Variants in LASP1NB observed in about 807,000 individuals in gnomAD.
The protein encoded by LASP1NB is LASP1 neighbor, also known as LASP1 neighbor protein.
At chr17:38,926,164 G>C in the LASP1NB span, among the ~76,000 whole-genome samples, 1 of 152,100 alleles carries the variant, frequency 6.6e-6, no homozygotes, top group Non-Finnish European at 1.5e-5. Flanking sequence ...ATTTTCTTCT[G>C]GTAATTAAAG....
chr17:38,928,579 C>T, the LASP1NB span: 1 of 151,974 alleles, frequency 6.6e-6, no homozygotes, highest in Non-Finnish European at 1.5e-5. Flanking sequence ...TATATTATGT[C>T]TGTGATAATT....
At chr17:38,929,322 A>C in the LASP1NB span, 4 of 152,150 alleles carry the variant, frequency 2.6e-5, no homozygotes, top group African/African-American at 7.2e-5. Context: ...ATTTTGTATA[A>C]ATTTTATAAA....
the LASP1NB span, chr17:38,928,917 T>C: frequency 3.3e-5 from 5 of 152,226 alleles, no homozygotes; most frequent in Admixed American, 1.3e-4. Context: ...CTTTAAAGTA[T>C]AGTCTAACCA....
At chr17:38,925,730 A>G in the LASP1NB span, 1 of 398,610 alleles carries the variant, frequency 2.5e-6, no homozygotes, top group East Asian at 3.6e-5. Flanking sequence ...CTTTGCCATC[A>G]TAGGCCTGGT....
the LASP1NB span, chr17:38,927,387 G>C: frequency 9.2e-5 from 14 of 152,278 alleles, no homozygotes; most frequent in African/African-American, 2.4e-4. Context: ...GAGGCGGATG[G>C]ATCACCTGAG....
At chr17:38,927,567 T>C in the LASP1NB span, 6 of 151,692 alleles carry the variant, frequency 4.0e-5, no homozygotes, top group African/African-American at 1.2e-4. Context: ...GCCGACATCA[T>C]GTCACTGCAC....
the LASP1NB span, chr17:38,927,636 T>C: frequency 6.6e-6 from 1 of 151,670 alleles, no homozygotes; most frequent in East Asian, 1.9e-4. Flanking sequence ...AATAAATAAA[T>C]AAACAAGGAG....
chr17:38,926,973 T>TC, the LASP1NB span: 1 of 152,196 alleles, frequency 6.6e-6, no homozygotes, highest in East Asian at 1.9e-4. Context: ...ACCACTTGTA[T>TC]CCCAGTTTCT....
At chr17:38,927,055 T>C in the LASP1NB span, 1 of 152,164 alleles carries the variant, frequency 6.6e-6, no homozygotes, top group East Asian at 1.9e-4. Flanking sequence ...AGAAACAAGA[T>C]GGCTATACTT....
At chr17:38,929,240 A>G in the LASP1NB span, 1 of 152,332 alleles carries the variant, frequency 6.6e-6, no homozygotes, top group Non-Finnish European at 1.5e-5. Context: ...TAAATTTTAC[A>G]TTTAAACTAT....
the LASP1NB span, chr17:38,925,926 GAA>G: frequency 2.0e-5 from 8 of 393,440 alleles, no homozygotes; most frequent in African/African-American, 1.4e-4. Flanking sequence ...AAGAAAAAAA[GAA>G]AGAGTTTGCT....
the LASP1NB span, chr17:38,927,644 GAGAA>G: frequency 3.3e-5 from 5 of 152,030 alleles, no homozygotes; most frequent in African/African-American, 1.2e-4. Context: ...AATAAACAAG[GAGAA>G]AGATTAGTTT....
At chr17:38,928,790 A>T in the LASP1NB span, 1 of 152,178 alleles carries the variant, frequency 6.6e-6, no homozygotes, top group African/African-American at 2.4e-5. Context: ...TAGTGTTTCG[A>T]ACTATAATTT....
At chr17:38,927,479 T>C in the LASP1NB span, 3 of 151,946 alleles carry the variant, frequency 2.0e-5, no homozygotes, top group Non-Finnish European at 4.4e-5. Flanking sequence ...GGCACAGTAG[T>C]GCGCGCCTGT....
At chr17:38,927,117 T>TGC in the LASP1NB span, 4 of 137,470 alleles carry the variant, frequency 2.9e-5, no homozygotes, top group Middle Eastern at 3.6e-3. Flanking sequence ...TGTGTGTGTG[T>TGC]GCGTGTGTGT....
chr17:38,925,944 AT>A, the LASP1NB span: 13 of 388,186 alleles, frequency 3.3e-5, no homozygotes, highest in Admixed American at 4.5e-5. Flanking sequence ...TTGCTTTCCT[AT>A]TTTTTTTCTT....
At chr17:38,925,891 G>C in the LASP1NB span, 1 of 396,130 alleles carries the variant, frequency 2.5e-6, no homozygotes, top group Non-Finnish European at 4.4e-6. Flanking sequence ...TGTTATCTCG[G>C]GTATTGATTC....
At chr17:38,925,670 G>T in the LASP1NB span, 3 of 398,516 alleles carry the variant, frequency 7.5e-6, no homozygotes, top group Non-Finnish European at 1.3e-5. Context: ...GAATCCAGGG[G>T]CTTGGTCGGC....
the LASP1NB span, chr17:38,925,695 T>A: frequency 2.5e-6 from 1 of 398,498 alleles, no homozygotes; most frequent in Non-Finnish European, 4.4e-6. Flanking sequence ...GAATCCACAA[T>A]GCTGGATATT....
Sources: allele counts gnomAD v4.1 joint callset (sites outside exome capture counted in the v4.1 genomes callset), GRCh38; gene constraint gnomAD v4.1.1; transcripts MANE v1.5; gene names NCBI Gene and HGNC (gene_info 2026-07-23, HGNC 2026-07-21).